PIK3C2G: variants seen among roughly 807,000 people sequenced by gnomAD.
PIK3C2G encodes phosphatidylinositol 3-kinase C2 domain-containing subunit gamma.
In PIK3C2G, 168 loss-of-function variants were observed where a neutral mutation model predicts 181.1. That is an observed-to-expected ratio of 0.93 (90% CI 0.82 to 1.05). The LOEUF is 1.05. Among genes scored for constraint, PIK3C2G ranks in the 50% least tolerant of loss-of-function variants. The probability of loss-of-function intolerance (pLI) is 0.00; values close to 1 mark genes in which losing one functional copy is unlikely to be tolerated. For synonymous variants in PIK3C2G, 573 were observed against 592.2 expected (o/e 0.97, Z 0.47); for missense variants, 1,869 against 1,732.8 (o/e 1.08, Z -1.40).
chr12:18,269,592 G>A (rs1948658155), intron 1 of PIK3C2G, among the ~76,000 whole-genome samples: 1 of 152,132 alleles, frequency 6.6e-6, no homozygotes, highest in African/African-American at 2.4e-5. Context: ...TTGCAAAGAA[G>A]AAACTGTTAT....
At chr12:18,624,956 G>T (rs1230374125) in intron 31 of PIK3C2G, among the ~76,000 whole-genome samples, 1 of 151,372 alleles carries the variant, frequency 6.6e-6, no homozygotes, top group Non-Finnish European at 1.5e-5. Flanking sequence ...CAGGTTTGTT[G>T]ATTTTGTTTA....
At chr12:18,710,213 T>C in the PIK3C2G span, among the ~76,000 whole-genome samples, 1 of 149,582 alleles carries the variant, frequency 6.7e-6, no homozygotes, top group African/African-American at 2.5e-5. Flanking sequence ...TCTTAGAAGC[T>C]GTAGGCTTTT....
chr12:18,418,196 C>T (rs1260614995), intron 16 of PIK3C2G, among the ~76,000 whole-genome samples: 5 of 152,134 alleles, frequency 3.3e-5, no homozygotes, highest in African/African-American at 1.2e-4. Flanking sequence ...TACACACTGT[C>T]ATATCTTAAG....
chr12:18,262,170 C>T (rs752436696), intron 1 of PIK3C2G, among the ~76,000 whole-genome samples: 2 of 152,070 alleles, frequency 1.3e-5, no homozygotes, highest in Admixed American at 6.6e-5. Context: ...CCTCTTTATT[C>T]GTAGCTCACT....
At chr12:18,679,522 C>A in the PIK3C2G span, among the ~76,000 whole-genome samples, 1 of 151,850 alleles carries the variant, frequency 6.6e-6, no homozygotes, top group Non-Finnish European at 1.5e-5. Flanking sequence ...AGATTAATAA[C>A]CCTGGTTCTG....
At chr12:18,292,868 C>A (rs972193253) in intron 4 of PIK3C2G, among the ~76,000 whole-genome samples, 5 of 152,068 alleles carry the variant, frequency 3.3e-5, no homozygotes, top group African/African-American at 1.2e-4. Context: ...AGAGAACAAC[C>A]AACTGTGGAG....
At chr12:18,395,643 A>G (rs1297302164) in intron 15 of PIK3C2G, among the ~76,000 whole-genome samples, 1 of 150,988 alleles carries the variant, frequency 6.6e-6, no homozygotes, top group Non-Finnish European at 1.5e-5. Context: ...TAATTTATTT[A>G]AAAAGTGATT....
chr12:18,566,825 A>G (rs890798878), intron 28 of PIK3C2G, 124 bp from the exon 29 acceptor site: 4 of 668,636 alleles, frequency 6.0e-6, no homozygotes, highest in African/African-American at 5.5e-5. Context: ...CACGTAGACT[A>G]TGACTTTTTC....
At chr12:18,259,322 T>G (rs571138225), upstream of PIK3C2G, among the ~76,000 whole-genome samples, 1 of 152,266 alleles carries the variant, frequency 6.6e-6, no homozygotes, top group South Asian at 2.1e-4. Flanking sequence ...GGAGCATGTA[T>G]GAAATATGCA....
the PIK3C2G span, among the ~76,000 whole-genome samples, chr12:18,666,140 A>G: frequency 6.6e-6 from 1 of 152,050 alleles, no homozygotes; most frequent in Non-Finnish European, 1.5e-5. Context: ...AAGTGACACT[A>G]GAAAATATCT....
At chr12:18,684,837 A>G in the PIK3C2G span, among the ~76,000 whole-genome samples, 1 of 151,944 alleles carries the variant, frequency 6.6e-6, no homozygotes, top group African/African-American at 2.4e-5. Context: ...GTAGAAAGTG[A>G]CTGGATTATA....
intron 13 of PIK3C2G, among the ~76,000 whole-genome samples, chr12:18,375,191 A>G (rs1425086984): frequency 6.6e-6 from 1 of 152,194 alleles, no homozygotes; most frequent in Non-Finnish European, 1.5e-5. Context: ...TTTCTGAGAG[A>G]CTAGTTAAAT....
intron 8 of PIK3C2G, among the ~76,000 whole-genome samples, chr12:18,333,326 T>C (rs1938172937): frequency 6.6e-6 from 1 of 152,176 alleles, no homozygotes; most frequent in East Asian, 1.9e-4. Context: ...CTGGGATACA[T>C]GTGCAGAACG....
At chr12:18,327,716 A>G (rs1951409784) in intron 8 of PIK3C2G, among the ~76,000 whole-genome samples, 1 of 152,062 alleles carries the variant, frequency 6.6e-6, no homozygotes, top group African/African-American at 2.4e-5. Flanking sequence ...TATGAATTCA[A>G]TAGGAATTTC....
At chr12:18,311,433 C>G (rs1950631390) in intron 5 of PIK3C2G, among the ~76,000 whole-genome samples, 1 of 151,632 alleles carries the variant, frequency 6.6e-6, no homozygotes, top group Admixed American at 6.6e-5. Flanking sequence ...CACACCTAAA[C>G]AGTATTAAGG....
At chr12:18,559,821 T>TATATATATATATATATAGAGAGAGAG (rs1945244509) in intron 26 of PIK3C2G, among the ~76,000 whole-genome samples, 1 of 18,364 alleles carries the variant, frequency 5.4e-5, no homozygotes, top group African/African-American at 2.0e-4. Flanking sequence ...TATATATATA[T>TATATATATATATATATAGAGAGAGAG]AGAGAGAGAG....
At chr12:18,497,803 T>A in intron 22 of PIK3C2G, 55 bp downstream of exon 22, 3 of 1,380,154 alleles carry the variant, frequency 2.2e-6, no homozygotes, top group East Asian at 5.1e-5. Context: ...ACACATTCAC[T>A]AGTAATAGGC....
chr12:18,271,316 C>T (rs1948736945), intron 1 of PIK3C2G, among the ~76,000 whole-genome samples: 1 of 152,116 alleles, frequency 6.6e-6, no homozygotes, highest in African/African-American at 2.4e-5. Context: ...TCATTTCACA[C>T]TCTAACTCCA....
chr12:18,303,130 C>CT (rs1555153589), intron 5 of PIK3C2G, among the ~76,000 whole-genome samples: 1 of 109,746 alleles, frequency 9.1e-6, no homozygotes, highest in Non-Finnish European at 2.1e-5. Flanking sequence ...TTCTTTCTTT[C>CT]TTTCTTTCTT....
Sources: allele counts gnomAD v4.1 joint callset (sites outside exome capture counted in the v4.1 genomes callset), GRCh38; gene constraint gnomAD v4.1.1; transcripts MANE v1.5; gene names NCBI Gene and HGNC (gene_info 2026-07-23, HGNC 2026-07-21).